RORA: variants seen among roughly 807,000 people sequenced by gnomAD.
RORA encodes RAR related orphan receptor A, also known as nuclear receptor ROR-alpha.
RORA carries 7 observed loss-of-function variants against 69.5 expected under a neutral mutation model. The ratio of observed to expected loss-of-function variants is 0.10; its 90% CI spans 0.06 to 0.19. The LOEUF is 0.19. RORA is among the 10% of genes least tolerant of loss of function. The pLI is 1.00. For synonymous variants in RORA, 261 were observed against 240.8 expected (o/e 1.08, Z -0.78); for missense variants, 457 against 663.0 (o/e 0.69, Z 3.41).
intron 1 of RORA, among the ~76,000 whole-genome samples, chr15:60,893,214 C>A (rs1012134358): frequency 2.6e-5 from 4 of 152,196 alleles, no homozygotes; most frequent in African/African-American, 9.7e-5. Flanking sequence ...GAAGCAAATG[C>A]GAGCTGATGA....
intron 2 of RORA, among the ~76,000 whole-genome samples, chr15:60,673,782 A>G (rs1460736977): frequency 6.6e-6 from 1 of 152,142 alleles, no homozygotes; most frequent in Non-Finnish European, 1.5e-5. Context: ...ACTTACAACT[A>G]GTCTGTAAAC....
chr15:60,625,023 C>T (rs770540780), intron 2 of RORA, among the ~76,000 whole-genome samples: 16 of 152,104 alleles, frequency 1.1e-4, no homozygotes, highest in Non-Finnish European at 2.2e-4. Context: ...AAAACACTTG[C>T]CCAAGAACTA....
Position 60,877,143 on chromosome 15 carries a change from G to A in RORA, c.167-198457C>T, listed in dbSNP as rs544029829. Among the ~76,000 whole-genome samples the A allele has an allele frequency of 2.7e-4, 41 of 152,312 alleles. 1 individual carries two copies. The South Asian group carries it at 7.9e-3, about 29-fold the overall frequency. On this transcript the variant is annotated intron_variant, in intron 1 of 10. Coordinates refer to ENST00000335670, the MANE Select transcript of RORA (RefSeq NM_134261.3). ...AGATATTGGGGAAGACTTTTTAGAA[G>A]AAAGGACATCTCAACACAAGGCTGA...
At chr15:60,652,184 A>G (rs928289494) in intron 2 of RORA, among the ~76,000 whole-genome samples, 2 of 151,904 alleles carry the variant, frequency 1.3e-5, no homozygotes, top group Admixed American at 1.3e-4. Context: ...GTTCTGGCAG[A>G]CCTTGATTTA....
intron 1 of RORA, among the ~76,000 whole-genome samples, chr15:60,852,971 C>G (rs2073341574): frequency 6.6e-6 from 1 of 152,130 alleles, no homozygotes; most frequent in East Asian, 1.9e-4. Context: ...ACAGCATCTC[C>G]CCCTGAAAGA....
At chr15:60,583,334 G>C (rs984166677) in intron 2 of RORA, among the ~76,000 whole-genome samples, 1 of 152,234 alleles carries the variant, frequency 6.6e-6, no homozygotes, top group Non-Finnish European at 1.5e-5. Context: ...GCACTGATCA[G>C]CTTCCAGGGC....
At chr15:61,126,651 G>A (rs969491278) in intron 1 of RORA, among the ~76,000 whole-genome samples, 21 of 152,214 alleles carry the variant, frequency 1.4e-4, no homozygotes, top group African/African-American at 3.6e-4. Context: ...GAATATTCAC[G>A]TCTTATCTTG....
intron 1 of RORA, among the ~76,000 whole-genome samples, chr15:60,883,606 T>C (rs2073716680): frequency 6.6e-6 from 1 of 152,206 alleles, no homozygotes; most frequent in Non-Finnish European, 1.5e-5. Flanking sequence ...TATTGTTGAA[T>C]GATTAAAATG....
intron 1 of RORA, among the ~76,000 whole-genome samples, chr15:60,806,411 A>G (rs921619399): frequency 1.3e-5 from 2 of 152,190 alleles, no homozygotes; most frequent in Non-Finnish European, 2.9e-5. Flanking sequence ...CCAGAATGGA[A>G]TAGTTAAAAC....
chr15:61,169,080 G>T (rs992296741), intron 1 of RORA, among the ~76,000 whole-genome samples: 3 of 150,878 alleles, frequency 2.0e-5, no homozygotes, highest in African/African-American at 7.4e-5. Flanking sequence ...TATTCCCCCT[G>T]CCAGAGCATA....
chr15:60,996,305 C>G (rs1894532353), intron 1 of RORA, among the ~76,000 whole-genome samples: 1 of 152,156 alleles, frequency 6.6e-6, no homozygotes, highest in Non-Finnish European at 1.5e-5. Context: ...CTCCTGACCT[C>G]AAGTGTTCTG....
chr15:60,889,167 A>C (rs1025344247), intron 1 of RORA, among the ~76,000 whole-genome samples: 2 of 152,184 alleles, frequency 1.3e-5, no homozygotes, highest in Non-Finnish European at 2.9e-5. Context: ...GCTGCAGCTG[A>C]CTACTTCCCA....
intron 1 of RORA, among the ~76,000 whole-genome samples, chr15:60,796,411 C>T (rs769732076): frequency 1.3e-5 from 2 of 152,120 alleles, no homozygotes; most frequent in African/African-American, 2.4e-5. Context: ...AAGCTTTTCA[C>T]CTCTGAAAAT....
chr15:61,014,830 G>A (rs1374410117), intron 1 of RORA, among the ~76,000 whole-genome samples: 1 of 152,164 alleles, frequency 6.6e-6, no homozygotes, highest in South Asian at 2.1e-4. Context: ...CATGCTTAGG[G>A]AACAAGGAAT....
intron 1 of RORA, among the ~76,000 whole-genome samples, chr15:61,142,219 A>C (rs1252051135): frequency 1.3e-5 from 2 of 152,032 alleles, no homozygotes; most frequent in Non-Finnish European, 2.9e-5. Flanking sequence ...GTTTCAGCTG[A>C]ATTCTCTAGC....
chr15:61,040,117 TATATATATATATATATATATATATATATA>T (rs1566958222), intron 1 of RORA, among the ~76,000 whole-genome samples: 1 of 36,900 alleles, frequency 2.7e-5, no homozygotes, highest in African/African-American at 1.1e-4. Flanking sequence ...AGCTTTGATA[TATATATATATATATATATATATATATATA>T]TATATATATA....
chr15:60,861,307 C>A (rs1260181822), intron 1 of RORA, among the ~76,000 whole-genome samples: 1 of 152,064 alleles, frequency 6.6e-6, no homozygotes, highest in Non-Finnish European at 1.5e-5. Flanking sequence ...TAGATCAAAT[C>A]CCACTAGAGG....
intron 2 of RORA, chr15:60,592,667 G>A: frequency 9.2e-7 from 1 of 1,085,820 alleles, no homozygotes; most frequent in South Asian, 4.5e-5. Context: ...AGGCAGGCGC[G>A]CCCCAGCGCC....
At chr15:60,911,147 C>T (rs1037807438) in intron 1 of RORA, among the ~76,000 whole-genome samples, 2 of 133,746 alleles carry the variant, frequency 1.5e-5, no homozygotes, top group East Asian at 4.0e-4. Flanking sequence ...GTTGGCCAGG[C>T]TGGTCTCGAA....
Sources: allele counts gnomAD v4.1 joint callset (sites outside exome capture counted in the v4.1 genomes callset), GRCh38; gene constraint gnomAD v4.1.1; transcripts MANE v1.5; gene names NCBI Gene and HGNC (gene_info 2026-07-23, HGNC 2026-07-21).